Variants in LNX1 observed in about 807,000 individuals in gnomAD.
LNX1 encodes E3 ubiquitin-protein ligase LNX.
LNX1 carries 54 observed loss-of-function variants against 68.4 expected under a neutral mutation model. The ratio of observed to expected loss-of-function variants is 0.79; its 90% CI spans 0.63 to 0.99. The LOEUF (loss-of-function observed/expected upper bound fraction) is 0.99, where lower values mean the gene tolerates loss of function less well. Among genes scored for constraint, LNX1 ranks in the 50% least tolerant of loss-of-function variants. LNX1 has a pLI of 0.00. For synonymous variants in LNX1, 336 were observed against 350.0 expected, an observed-to-expected ratio of 0.96 and a Z score of 0.45; for missense variants, 906 against 926.4, an observed-to-expected ratio of 0.98 and a Z score of 0.29.
chr4:53,505,928 T>C (rs1239057469), intron 4 of LNX1, among the ~76,000 whole-genome samples: 7 of 152,144 alleles, frequency 4.6e-5, no homozygotes, highest in Non-Finnish European at 1.0e-4. Flanking sequence ...AAGAAAGATA[T>C]ACAGCATTTA....
chr4:53,551,606 C>T (rs1447577654), intron 2 of LNX1, among the ~76,000 whole-genome samples: 1 of 152,136 alleles, frequency 6.6e-6, no homozygotes, highest in African/African-American at 2.4e-5. Flanking sequence ...ACTGTGGATG[C>T]GGACAGCCCA....
intron 5 of LNX1, 21 bp from the exon 6 acceptor site, chr4:53,496,415 C>T (rs746525372): frequency 4.6e-5 from 71 of 1,557,874 alleles, no homozygotes; most frequent in Admixed American, 2.3e-4. Context: ...GTGGAACAAT[C>T]GTGCGGTCAG....
intron 2 of LNX1, among the ~76,000 whole-genome samples, chr4:53,596,552 C>T (rs1490397461): frequency 6.6e-6 from 1 of 152,140 alleles, no homozygotes; most frequent in Non-Finnish European, 1.5e-5. Context: ...TCTATGATCT[C>T]CATTCTTGCA....
rs1178131784 is a variant in LNX1, at chr4:53,613,511, A to AC, written c.-215+3005dup. ...TTTTTCCTGATCCTCTCCGTCCTCCACCCCCCACCGTCCAGTAAGCCCCAG... is the reference window on the plus strand; with the variant it reads ...TTTTTCCTGATCCTCTCCGTCCTCCACCCCCCCACCGTCCAGTAAGCCCCAG... On this transcript the variant is annotated intron_variant, in intron 2 of 3. Transcript: ENST00000504299. Among the ~76,000 whole-genome samples, 5 of 151,610 alleles carry AC rather than the reference A, an allele frequency of 3.3e-5. No homozygotes were observed. In the East Asian group the frequency reaches 9.7e-4, roughly 29 times the overall value.
chr4:53,476,888 AC>A lies in LNX1; in HGVS notation c.1756del (p.Val586TyrfsTer69). 1 of 1,614,204 alleles carries A rather than the reference AC, an allele frequency of 6.2e-7. No homozygotes were observed. Among genetic ancestry groups the A allele is most frequent in the Non-Finnish European group, 8.5e-7 (1 of 1,180,032 alleles). On this transcript the variant is annotated frameshift_variant, in exon 9 of 11. Coordinates refer to ENST00000263925, the MANE Select transcript of LNX1 (RefSeq NM_001126328.3). LOFTEE classifies it high-confidence loss of function. Reference sequence around the variant, plus strand: ...CTCTTTGACTTCCAAAGCTTTGAGTACTATCGAGGATGATGTTCTTTTCAAT... The same window carrying A: ...CTCTTTGACTTCCAAAGCTTTGAGTATATCGAGGATGATGTTCTTTTCAAT... ...ALLKRTSSSI[V>X]LKALEVKEYE...
intron 9 of LNX1, among the ~76,000 whole-genome samples, chr4:53,466,880 A>C (rs1315419117): frequency 1.3e-5 from 2 of 152,182 alleles, no homozygotes; most frequent in Admixed American, 6.5e-5. Flanking sequence ...ACCACAGCTC[A>C]AGCAGGCCTG....
chr4:53,558,098 C>T, intron 2 of LNX1: 1 of 1,477,918 alleles, frequency 6.8e-7, no homozygotes, highest in Non-Finnish European at 8.9e-7. Flanking sequence ...GACTGAGAAC[C>T]TTCAGATTAA....
chr4:53,567,009 C>T (rs1306406114), intron 2 of LNX1, among the ~76,000 whole-genome samples: 5 of 151,660 alleles, frequency 3.3e-5, no homozygotes, highest in African/African-American at 9.7e-5. Context: ...TCCTGAGTGA[C>T]CTGCAAAGAG....
chr4:53,496,572 G>A (rs750079677), intron 5 of LNX1, 178 bp from the exon 6 acceptor site: 45 of 702,470 alleles, frequency 6.4e-5, no homozygotes, highest in Non-Finnish European at 9.6e-5. Context: ...CTCTCCAAGC[G>A]TGGCCTGCAG....
chr4:53,581,789 G>A (rs1331648834), intron 1 of LNX1, among the ~76,000 whole-genome samples: 2 of 152,154 alleles, frequency 1.3e-5, no homozygotes, highest in African/African-American at 2.4e-5. Flanking sequence ...GGGTGGGGAC[G>A]CAGCCAAACC....
intron 2 of LNX1, among the ~76,000 whole-genome samples, chr4:53,614,338 GA>G (rs1252445447): frequency 1.3e-5 from 2 of 152,202 alleles, no homozygotes; most frequent in East Asian, 3.9e-4. Context: ...CCCCTCCCAT[GA>G]CACACCATTT....
chr4:53,489,880 T>C (rs1447969957), intron 6 of LNX1, among the ~76,000 whole-genome samples: 1 of 152,104 alleles, frequency 6.6e-6, no homozygotes, highest in East Asian at 1.9e-4. Context: ...CCAGATTAAG[T>C]GTACTGATCT....
chr4:53,567,790 G>A (rs1157426156), intron 2 of LNX1, among the ~76,000 whole-genome samples: 2 of 152,018 alleles, frequency 1.3e-5, no homozygotes, highest in Non-Finnish European at 1.5e-5. Context: ...TCAAATAGAT[G>A]CAATAAAAAA....
chr4:53,598,328 T>A (rs993899382), intron 2 of LNX1, among the ~76,000 whole-genome samples: 1 of 151,748 alleles, frequency 6.6e-6, no homozygotes, highest in Non-Finnish European at 1.5e-5. Flanking sequence ...GACCTCCTTA[T>A]GATTAAGGGA....
chr4:53,588,738 T>C (rs1465209961), intron 1 of LNX1, among the ~76,000 whole-genome samples: 1 of 152,112 alleles, frequency 6.6e-6, no homozygotes. Flanking sequence ...GGTTCTCCCT[T>C]AGGGCTCCGT....
intron 1 of LNX1, among the ~76,000 whole-genome samples, chr4:53,576,583 G>C (rs1731500598): frequency 1.3e-5 from 2 of 151,880 alleles, no homozygotes; most frequent in South Asian, 4.2e-4. Flanking sequence ...TCACAGAGCT[G>C]ACATTCTAGT....
chr4:53,495,098 A>T (rs1286954921), intron 6 of LNX1, among the ~76,000 whole-genome samples: 1 of 152,192 alleles, frequency 6.6e-6, no homozygotes, highest in Non-Finnish European at 1.5e-5. Flanking sequence ...TGTCAATAGC[A>T]TGCTTGTGAT....
At chr4:53,649,371 C>G (rs1437865735) in intron 1 of LNX1, among the ~76,000 whole-genome samples, 1 of 152,178 alleles carries the variant, frequency 6.6e-6, no homozygotes, top group Admixed American at 6.5e-5. Flanking sequence ...TCTAGTTTTA[C>G]AGTGAAGGAA....
At chr4:53,551,088 G>C (rs999534978) in intron 2 of LNX1, among the ~76,000 whole-genome samples, 6 of 152,154 alleles carry the variant, frequency 3.9e-5, no homozygotes, top group Non-Finnish European at 8.8e-5. Context: ...GCGGTTGGTG[G>C]TTGGAATCCT....
Sources: allele counts gnomAD v4.1 joint callset (sites outside exome capture counted in the v4.1 genomes callset), GRCh38; gene constraint gnomAD v4.1.1; transcripts MANE v1.5; gene names NCBI Gene and HGNC (gene_info 2026-07-23, HGNC 2026-07-21).